The following PTN variants were observed in gnomAD, a reference collection of about 807,000 sequenced individuals.
PTN encodes heparin affin regulatory protein.
Under a neutral mutation model 24.1 loss-of-function variants are expected in PTN, and 18 were observed. The observed-to-expected ratio is 0.75, with a 90% CI of 0.52 to 1.11. The LOEUF (loss-of-function observed/expected upper bound fraction) is 1.11. Ranked by LOEUF, PTN falls within the 50% of genes least tolerant of loss-of-function variation. The pLI, the probability that PTN is intolerant of heterozygous loss-of-function variation, is 0.00. For missense variants in PTN, 163 were observed against 198.8 expected, an observed-to-expected ratio of 0.82 and a Z score of 1.08; for synonymous variants, 78 against 68.6, an observed-to-expected ratio of 1.14 and a Z score of -0.67.
chr7:137,240,197 T>C (rs1808604577), intron 4 of PTN, among the ~76,000 whole-genome samples: 1 of 152,126 alleles, frequency 6.6e-6, no homozygotes, highest in Non-Finnish European at 1.5e-5. Flanking sequence ...TTTATTTCTC[T>C]TTTTCCTTCA....
chr7:137,232,921 C>T (rs371007149), intron 4 of PTN, among the ~76,000 whole-genome samples: 8 of 151,886 alleles, frequency 5.3e-5, no homozygotes, highest in East Asian at 1.9e-4. Context: ...AGGTGCCTTC[C>T]GCCATGATTG....
chr7:137,239,833 G>A (rs1585006627), intron 4 of PTN, among the ~76,000 whole-genome samples: 2 of 152,252 alleles, frequency 1.3e-5, no homozygotes, highest in East Asian at 1.9e-4. Context: ...CATGCCCTCG[G>A]TACAGCATAA....
chr7:137,339,996 T>C (rs748205844), intron 1 of PTN, among the ~76,000 whole-genome samples: 18 of 152,236 alleles, frequency 1.2e-4, no homozygotes, highest in Non-Finnish European at 1.9e-4. Flanking sequence ...GATTTTTTGT[T>C]ACACTATGTG....
Position 137,254,959 on chromosome 7 carries a change from C to A in PTN, c.15G>T (p.Gln5His). Residue 5 changes from glutamine (Q) to histidine (H), a missense_variant, in exon 2 of 5, where the codon CAG becomes CAT. Physicochemically the swap from Gln to His is conservative, Grantham distance 24. Coordinates refer to ENST00000348225, the MANE Select transcript of PTN (RefSeq NM_002825.7). ...CAAATTTTCGACGCTGCTGCTGGTACTGTTGAGCCTGCATTCTAGGAATAA... is the reference window on the plus strand; with the variant it reads ...CAAATTTTCGACGCTGCTGCTGGTAATGTTGAGCCTGCATTCTAGGAATAA... MQAQQYQQQRRKFAA... is the reference protein window; with the variant it reads MQAQHYQQQRRKFAA... 1 of 1,547,462 alleles carries A rather than the reference C, an allele frequency of 6.5e-7. No homozygotes were observed. Among genetic ancestry groups the A allele is most frequent in the South Asian group, 1.2e-5 (1 of 82,768 alleles).
chr7:137,245,536 C>T (rs1313442563), intron 4 of PTN, among the ~76,000 whole-genome samples: 1 of 152,046 alleles, frequency 6.6e-6, no homozygotes, highest in East Asian at 1.9e-4. Context: ...TAATAAATGG[C>T]TATGTTACTG....
chr7:137,318,347 A>G (rs757457858), intron 1 of PTN, among the ~76,000 whole-genome samples: 3 of 152,154 alleles, frequency 2.0e-5, no homozygotes, highest in Admixed American at 6.6e-5. Flanking sequence ...GTATTTCAAC[A>G]CTTCATCTCT....
At chr7:137,327,091 T>C (rs1810275615) in intron 1 of PTN, 1 of 152,206 alleles carries the variant, frequency 6.6e-6, no homozygotes, top group Admixed American at 6.5e-5. Flanking sequence ...CATTGAAGTA[T>C]GCACAGGATT....
At chr7:137,266,701 C>CTAGA (rs887976103) in intron 1 of PTN, among the ~76,000 whole-genome samples, 1 of 147,420 alleles carries the variant, frequency 6.8e-6, no homozygotes, top group African/African-American at 2.5e-5. Flanking sequence ...TGTCTGTGGA[C>CTAGA]TAGATGAAGG....
At chr7:137,249,491 T>C (rs1198373627) in intron 4 of PTN, among the ~76,000 whole-genome samples, 1 of 152,184 alleles carries the variant, frequency 6.6e-6, no homozygotes, top group African/African-American at 2.4e-5. Flanking sequence ...CCACAGAATA[T>C]TCTAATGTGA....
chr7:137,331,498 G>A (rs1181627340), intron 1 of PTN, among the ~76,000 whole-genome samples: 2 of 152,160 alleles, frequency 1.3e-5, no homozygotes, highest in Non-Finnish European at 2.9e-5. Flanking sequence ...GGAATGTGGT[G>A]GTCAAACCCA....
At chr7:137,251,851 T>C (rs1808833165) in intron 3 of PTN, among the ~76,000 whole-genome samples, 1 of 151,932 alleles carries the variant, frequency 6.6e-6, no homozygotes, top group Non-Finnish European at 1.5e-5. Context: ...ATCCAAGTCA[T>C]GTGCATCAAT....
intron 1 of PTN, among the ~76,000 whole-genome samples, chr7:137,260,362 G>T (rs566157864): frequency 3.3e-5 from 5 of 152,088 alleles, no homozygotes; most frequent in Non-Finnish European, 2.9e-5. Flanking sequence ...GCAAATTATT[G>T]TAAGATTTTT....
At chr7:137,274,126 G>T (rs1809320892) in intron 1 of PTN, among the ~76,000 whole-genome samples, 1 of 151,926 alleles carries the variant, frequency 6.6e-6, no homozygotes, top group African/African-American at 2.4e-5. Context: ...CCACAAGGAA[G>T]CACCAAGGGT....
intron 3 of PTN, among the ~76,000 whole-genome samples, chr7:137,252,419 TTTG>T (rs762865525): frequency 3.3e-5 from 5 of 151,880 alleles, no homozygotes; most frequent in South Asian, 4.1e-4. Flanking sequence ...TTGTTGTTGT[TTTG>T]TTGTTTACTG....
intron 1 of PTN, among the ~76,000 whole-genome samples, chr7:137,278,306 CAAAAAAAAAAAAAA>C (rs71176391): frequency 4.8e-5 from 3 of 62,844 alleles, no homozygotes; most frequent in African/African-American, 1.4e-4. Flanking sequence ...GACTCCGTCT[CAAAAAAAAAAAAAA>C]AAAAAAAAAA....
intron 1 of PTN, among the ~76,000 whole-genome samples, chr7:137,291,488 T>A (rs1809638184): frequency 6.6e-6 from 1 of 152,142 alleles, no homozygotes; most frequent in Non-Finnish European, 1.5e-5. Context: ...CTTCATCAAA[T>A]CACTCTTTGT....
intron 4 of PTN, among the ~76,000 whole-genome samples, chr7:137,243,538 C>T (rs1031887302): frequency 6.6e-6 from 1 of 152,334 alleles, no homozygotes; most frequent in East Asian, 1.9e-4. Context: ...TTGCTCACTA[C>T]ATGCCATGCA....
At chr7:137,331,608 C>T (rs1033133112) in intron 1 of PTN, among the ~76,000 whole-genome samples, 2 of 152,156 alleles carry the variant, frequency 1.3e-5, no homozygotes, top group Non-Finnish European at 2.9e-5. Flanking sequence ...AGCCCTGGAG[C>T]GACACGCATC....
rs540828612 is a variant in PTN at position 137,267,310 on chromosome 7, C to T, written c.-1-12336G>A. ...TCTGTGTCTTTTCCTCTCTCTTTGC[C>T]TCTTTTTCTCTCTTTCCTCTCTTTC... On this transcript the variant is annotated intron_variant, in intron 1 of 4. Transcript: ENST00000348225. 9.9e-3 allele frequency among the ~76,000 whole-genome samples: 762 copies of T among 76,788 alleles called. 6 individuals carry two copies. The highest frequency in any genetic ancestry group is 0.053 in the African/African-American group (725 of 13,594). 50.4% of individuals were successfully genotyped at this position (76,788 alleles called of 152,430 possible).
Sources: allele counts gnomAD v4.1 joint callset (sites outside exome capture counted in the v4.1 genomes callset), GRCh38; gene constraint gnomAD v4.1.1; transcripts MANE v1.5; gene names NCBI Gene and HGNC (gene_info 2026-07-23, HGNC 2026-07-21).